Variants in PPP1R12B observed in about 807,000 individuals in gnomAD.
PPP1R12B encodes the protein protein phosphatase 1 regulatory subunit 12B, also known as myosin phosphatase target subunit 2.
PPP1R12B carries 76 observed loss-of-function variants against 126.1 expected under a neutral mutation model. The ratio of observed to expected loss-of-function variants is 0.60; its 90% CI spans 0.50 to 0.73. PPP1R12B has a LOEUF of 0.73. Among genes scored for constraint, PPP1R12B ranks in the 30% least tolerant of loss-of-function variants. PPP1R12B has a pLI of 0.00. For synonymous variants in PPP1R12B, 356 were observed against 434.7 expected (o/e 0.82, Z 2.25); for missense variants, 1,052 against 1,205.1 (o/e 0.87, Z 1.88).
intron 18 of PPP1R12B, among the ~76,000 whole-genome samples, chr1:202,520,534 T>A (rs1285886535): frequency 1.3e-5 from 2 of 152,240 alleles, no homozygotes; most frequent in African/African-American, 4.8e-5. Flanking sequence ...CTTTTTAAAG[T>A]CATCTTCCTT....
At chr1:202,571,249 C>A (rs536101563) in intron 23 of PPP1R12B, among the ~76,000 whole-genome samples, 1 of 152,282 alleles carries the variant, frequency 6.6e-6, no homozygotes, top group Non-Finnish European at 1.5e-5. Context: ...TTTATGCTAT[C>A]AGTCTATGAT....
intron 9 of PPP1R12B, 151 bp from the exon 10 acceptor site, chr1:202,437,670 G>A: frequency 4.3e-6 from 3 of 699,098 alleles, no homozygotes; most frequent in Non-Finnish European, 7.0e-6. Flanking sequence ...GTGAGGGAGG[G>A]AACATGGGCA....
intron 1 of PPP1R12B, among the ~76,000 whole-genome samples, chr1:202,366,626 TTAAA>T (rs1251595560): frequency 5.3e-5 from 8 of 151,812 alleles, no homozygotes; most frequent in Non-Finnish European, 4.4e-5. Flanking sequence ...TGTATGAATA[TTAAA>T]TAAATAGACT....
intron 1 of PPP1R12B, among the ~76,000 whole-genome samples, chr1:202,367,232 G>A (rs778231823): frequency 6.6e-6 from 1 of 152,112 alleles, no homozygotes; most frequent in Non-Finnish European, 1.5e-5. Context: ...TAAATATTGA[G>A]TATTGTTATG....
chr1:202,404,809 G>GT (rs1666366392), intron 1 of PPP1R12B, among the ~76,000 whole-genome samples: 1 of 152,132 alleles, frequency 6.6e-6, no homozygotes, highest in South Asian at 2.1e-4. Context: ...CCCAAATAAT[G>GT]TTTATACTGG....
chr1:202,582,597 C>G lies in PPP1R12B; in HGVS notation c.*2037C>G, dbSNP rs1689605141. 1 of 152,574 alleles carries G rather than the reference C, an allele frequency of 6.6e-6. No individual in the cohort carries two copies. Among genetic ancestry groups the G allele is most frequent in the African/African-American group, 2.4e-5 (1 of 41,420 alleles). The allele number at this position is 152,574 out of a possible 1,614,324, so 9.5% of individuals were successfully genotyped here. ...AAACTAGAAGCTGTAATTCAAGATC[C>G]CAATTCCACCAGGTGCAGTGGCTCA... On this transcript the variant is annotated 3_prime_UTR_variant, in exon 24 of 24. Transcript: ENST00000608999.
At chr1:202,438,333 G>C (rs567128918) in intron 10 of PPP1R12B, 3 of 1,238,034 alleles carry the variant, frequency 2.4e-6, no homozygotes, top group East Asian at 2.8e-5. Flanking sequence ...ATGGCGGAGG[G>C]GGGCACAGGA....
chr1:202,376,893 A>C (rs1210997665), intron 1 of PPP1R12B, among the ~76,000 whole-genome samples: 2 of 152,208 alleles, frequency 1.3e-5, no homozygotes, highest in African/African-American at 4.8e-5. Flanking sequence ...CCCTGAGGCC[A>C]CGTGCGGCCC....
chr1:202,354,817 G>GTT (rs199774664), intron 1 of PPP1R12B, among the ~76,000 whole-genome samples: 6 of 131,808 alleles, frequency 4.6e-5, no homozygotes, highest in South Asian at 2.6e-4. Context: ...CTGGCTAATT[G>GTT]TTTTTTTTGT....
chr1:202,385,488 C>T (rs1425019640), intron 1 of PPP1R12B, among the ~76,000 whole-genome samples: 3 of 152,268 alleles, frequency 2.0e-5, no homozygotes, highest in Non-Finnish European at 4.4e-5. Flanking sequence ...GACATAAACT[C>T]ATTACTAAAA....
intron 13 of PPP1R12B, among the ~76,000 whole-genome samples, chr1:202,453,008 G>A (rs1307423711): frequency 6.6e-6 from 1 of 152,054 alleles, no homozygotes; most frequent in Non-Finnish European, 1.5e-5. Flanking sequence ...AGGACTTCCA[G>A]CACTATATTG....
intron 1 of PPP1R12B, among the ~76,000 whole-genome samples, chr1:202,359,904 G>A (rs1265221480): frequency 5.4e-5 from 8 of 149,406 alleles, no homozygotes; most frequent in African/African-American, 1.7e-4. Flanking sequence ...TTCCCTGATT[G>A]TTCACAGGTG....
In PPP1R12B at chr1:202,386,123, C is replaced by G. The variant is rs1369683000; in HGVS notation, c.292-30664C>G. On this transcript the variant is annotated intron_variant, in intron 1 of 23. Coordinates refer to ENST00000608999, the MANE Select transcript of PPP1R12B (RefSeq NM_002481.4). ...TAATTTTTTGTGTTTTCGGTAGAGA[C>G]GGGGTTTCACCGTGTTAGCCAGGAT... Among the ~76,000 whole-genome samples, 3 of 151,434 alleles carry G rather than the reference C, an allele frequency of 2.0e-5. No homozygotes were observed. In the East Asian group the frequency reaches 5.9e-4, roughly 30 times the overall value.
rs1357570709 is a variant in PPP1R12B, at chr1:202,588,554, CTG to C, written c.*7998_*7999del. The C allele has an allele frequency of 3.9e-5, 6 of 152,452 alleles. No individual in the cohort carries two copies. Among genetic ancestry groups the C allele is most frequent in the African/African-American group, 9.7e-5 (4 of 41,362 alleles). 9.4% of individuals were successfully genotyped at this position (152,452 alleles called of 1,614,324 possible). On this transcript the variant is annotated 3_prime_UTR_variant, in exon 24 of 24. Coordinates refer to ENST00000608999, the MANE Select transcript of PPP1R12B (RefSeq NM_002481.4). ...AGTATTTATAAATGAGTAAATAAAACTGTGTTTTAACTTTGTGACTGTCTCCA... is the reference window on the plus strand; with the variant it reads ...AGTATTTATAAATGAGTAAATAAAACTGTTTTAACTTTGTGACTGTCTCCA...
intron 1 of PPP1R12B, among the ~76,000 whole-genome samples, chr1:202,389,248 A>G (rs2148515835): frequency 6.6e-6 from 1 of 152,366 alleles, no homozygotes; most frequent in Middle Eastern, 3.4e-3. Context: ...CTATGACAAA[A>G]AACATCCTAA....
chr1:202,446,256 A>ATATATATTTTT (rs376183502), intron 12 of PPP1R12B, among the ~76,000 whole-genome samples: 9 of 54,342 alleles, frequency 1.7e-4, no homozygotes, highest in Admixed American at 7.7e-4. Flanking sequence ...ATATATATAT[A>ATATATATTTTT]TTTTTTTTTT....
At chr1:202,571,547 A>G (rs544073101) in intron 23 of PPP1R12B, among the ~76,000 whole-genome samples, 2 of 152,252 alleles carry the variant, frequency 1.3e-5, no homozygotes, top group East Asian at 1.9e-4. Flanking sequence ...GGCAGATTCA[A>G]TCGCTCAAGC....
chr1:202,576,581 A>T (rs1315808920), intron 23 of PPP1R12B: 1 of 152,200 alleles, frequency 6.6e-6, no homozygotes, highest in African/African-American at 2.4e-5. Flanking sequence ...TCCAGACTCC[A>T]TGCTTTAAAG....
chr1:202,463,793 C>G (rs1674624836), intron 13 of PPP1R12B, among the ~76,000 whole-genome samples: 1 of 152,120 alleles, frequency 6.6e-6, no homozygotes, highest in Non-Finnish European at 1.5e-5. Flanking sequence ...ATAGAAAATC[C>G]TGCTGATCGT....
Sources: allele counts gnomAD v4.1 joint callset (sites outside exome capture counted in the v4.1 genomes callset), GRCh38; gene constraint gnomAD v4.1.1; transcripts MANE v1.5; gene names NCBI Gene and HGNC (gene_info 2026-07-23, HGNC 2026-07-21).